The following GALNT11 variants were observed in gnomAD, a reference collection of about 807,000 sequenced individuals.
GALNT11 encodes the protein UDP-GalNAc:polypeptide N-acetylgalactosaminyltransferase 11.
GALNT11 carries 47 observed loss-of-function variants against 72.7 expected under a neutral mutation model. The observed-to-expected ratio is 0.65, with a 90% CI of 0.51 to 0.82. GALNT11 has a LOEUF of 0.82. Ranked by LOEUF, GALNT11 falls within the 40% of genes least tolerant of loss-of-function variation. The pLI is 0.00. For missense variants in GALNT11, 677 were observed against 778.4 expected (o/e 0.87, Z 1.55); for synonymous variants, 270 against 286.6 (o/e 0.94, Z 0.58).
At chr7:152,099,359 T>C (rs1186280731) in intron 2 of GALNT11, among the ~76,000 whole-genome samples, 1 of 149,528 alleles carries the variant, frequency 6.7e-6, no homozygotes, top group Non-Finnish European at 1.5e-5. Flanking sequence ...TATTTATTTA[T>C]TTATTTATTT....
chr7:152,119,353 C>G (rs1276050701), intron 10 of GALNT11: 1 of 151,960 alleles, frequency 6.6e-6, no homozygotes, highest in Non-Finnish European at 1.5e-5. Context: ...TCGTTTATGT[C>G]TGATAAAATA....
chr7:152,028,771 G>T (rs1389104060), intron 1 of GALNT11, among the ~76,000 whole-genome samples: 1 of 151,792 alleles, frequency 6.6e-6, no homozygotes, highest in Non-Finnish European at 1.5e-5. Context: ...TGAAGAAGGG[G>T]CCCTGCAATT....
At chr7:152,044,119 T>C (rs540235224) in intron 1 of GALNT11, among the ~76,000 whole-genome samples, 8 of 152,106 alleles carry the variant, frequency 5.3e-5, no homozygotes, top group African/African-American at 1.9e-4. Flanking sequence ...CACAGAAATA[T>C]AGAGTGTGGA....
In GALNT11 at chr7:152,047,509, A is replaced by T. The variant is rs537038515; in HGVS notation, c.-39+21625A>T. 2.3e-3 allele frequency among the ~76,000 whole-genome samples: 352 copies of T among 152,182 alleles called. 1 individual carries two copies. The highest frequency in any genetic ancestry group is 8.2e-3 in the African/African-American group (339 of 41,526). ...ACAAAACAAACAAAACAGCTTGGGC[A>T]ACATGGTGAAACCCCATCTCTACAA... On this transcript the variant is annotated intron_variant, in intron 1 of 11. Transcript: ENST00000430044.
intron 1 of GALNT11, among the ~76,000 whole-genome samples, chr7:152,045,376 A>C (rs916865431): frequency 6.6e-6 from 1 of 152,094 alleles, no homozygotes; most frequent in Admixed American, 6.6e-5. Flanking sequence ...TAGTTCTTTA[A>C]AAGTTTGATA....
chr7:152,083,235 A>G (rs1173499979), intron 1 of GALNT11, among the ~76,000 whole-genome samples: 2 of 152,002 alleles, frequency 1.3e-5, no homozygotes, highest in African/African-American at 4.8e-5. Flanking sequence ...TAGCTAGAAA[A>G]ATTTTGCCCA....
chr7:152,103,002 G>C lies in GALNT11; in HGVS notation c.420-110G>C, dbSNP rs572622032. On this transcript the variant is annotated intron_variant, in intron 3 of 11. Transcript: ENST00000430044. ...GTCTCAAAAAAAAAAAAAAAGGCAGGGGGTGGGGGAAGAGGGTGAACAAGG... is the reference window on the plus strand; with the variant it reads ...GTCTCAAAAAAAAAAAAAAAGGCAGCGGGTGGGGGAAGAGGGTGAACAAGG... 2.9e-5 allele frequency: 30 copies of C among 1,024,380 alleles called. No homozygotes were observed. The South Asian group carries it at 4.9e-4, about 17-fold the overall frequency. 63.5% of individuals were successfully genotyped at this position (1,024,380 alleles called of 1,614,324 possible).
intron 1 of GALNT11, among the ~76,000 whole-genome samples, chr7:152,043,299 G>A (rs1183683807): frequency 1.3e-5 from 2 of 152,160 alleles, no homozygotes; most frequent in Non-Finnish European, 2.9e-5. Flanking sequence ...AGGGTCCACC[G>A]GCTCCTGTTG....
In GALNT11 at chr7:152,037,967, T is replaced by A. The variant is rs2079844; in HGVS notation, c.-39+12083T>A. ...TAATTTTAGTAGAGATGGGGGTCTC[T>A]CCATGTTGGTCAGGCTGGTCTCGAA... On this transcript the variant is annotated intron_variant, in intron 1 of 11. Transcript: ENST00000430044. Among the ~76,000 whole-genome samples, 1,123 of 151,996 alleles carry A rather than the reference T, an allele frequency of 7.4e-3. 14 individuals are homozygous for A. The highest frequency in any genetic ancestry group is 0.026 in the African/African-American group (1,083 of 41,384).
chr7:152,026,934 G>C (rs765336560), intron 1 of GALNT11, among the ~76,000 whole-genome samples: 4 of 152,168 alleles, frequency 2.6e-5, no homozygotes, highest in African/African-American at 7.2e-5. Context: ...CACTCATTTC[G>C]CTCAGAATAA....
At chr7:152,082,399 A>T (rs991081286) in intron 1 of GALNT11, among the ~76,000 whole-genome samples, 1 of 152,200 alleles carries the variant, frequency 6.6e-6, no homozygotes, top group Non-Finnish European at 1.5e-5. Flanking sequence ...GGGACCTCAC[A>T]TTCTGTATTT....
rs1184132027 is a variant in GALNT11, at chr7:152,121,560, A to G, written c.1710A>G (p.Leu570=). The change falls in exon 12 of 12, where the codon CTA becomes CTG. Residue 570 remains leucine, a synonymous_variant. Coordinates refer to ENST00000430044, the MANE Select transcript of GALNT11 (RefSeq NM_022087.4). ...CTTTTTTTCAGAAAAACAATCGGCT[A>G]TACCAGGTGTCGGTTGGACAGTGCC... ...QQWTFGKNNR[L]YQVSVGQCLR... The G allele has an allele frequency of 2.5e-6, 4 of 1,610,826 alleles. No homozygotes were observed. Among genetic ancestry groups the G allele is most frequent in the Middle Eastern group, 1.6e-4 (1 of 6,062 alleles).
chr7:152,113,710 TTC>T (rs2088504697), intron 8 of GALNT11, among the ~76,000 whole-genome samples: 1 of 116,254 alleles, frequency 8.6e-6, no homozygotes, highest in African/African-American at 3.1e-5. Context: ...AAAGTTGGCT[TTC>T]TTTTTTTTTT....
At chr7:152,026,913 T>C (rs1445630657) in intron 1 of GALNT11, among the ~76,000 whole-genome samples, 1 of 152,234 alleles carries the variant, frequency 6.6e-6, no homozygotes, top group Admixed American at 6.5e-5. Context: ...GGCAGTGTCA[T>C]GGGCCATAGA....
intron 1 of GALNT11, among the ~76,000 whole-genome samples, chr7:152,047,710 G>GCA (rs1491469253): frequency 6.7e-6 from 1 of 149,060 alleles, no homozygotes; most frequent in Non-Finnish European, 1.5e-5. Flanking sequence ...GTGTGTGTGT[G>GCA]CGCACACACA....
chr7:152,111,645 T>TA (rs200988785), intron 7 of GALNT11, among the ~76,000 whole-genome samples: 51 of 129,416 alleles, frequency 3.9e-4, no homozygotes, highest in African/African-American at 1.6e-3. Flanking sequence ...TATATATATA[T>TA]TTTTTTAAAT....
intron 1 of GALNT11, among the ~76,000 whole-genome samples, chr7:152,045,348 T>C (rs2083068937): frequency 6.6e-6 from 1 of 152,154 alleles, no homozygotes; most frequent in Non-Finnish European, 1.5e-5. Context: ...TCTGGAATAG[T>C]TTCGGTAGGA....
At chr7:152,050,235 C>T (rs918075380) in intron 1 of GALNT11, among the ~76,000 whole-genome samples, 8 of 152,232 alleles carry the variant, frequency 5.3e-5, no homozygotes, top group African/African-American at 1.4e-4. Context: ...GAAGCCAGCA[C>T]GTCTCTGAGT....
chr7:152,034,284 A>T (rs1379222364), intron 1 of GALNT11, among the ~76,000 whole-genome samples: 1 of 152,084 alleles, frequency 6.6e-6, no homozygotes, highest in Non-Finnish European at 1.5e-5. Flanking sequence ...TAAATTGCAA[A>T]CTTTGCATAG....
Sources: gnomAD v4.1 joint callset for allele counts (sites outside exome capture counted in the v4.1 genomes callset) on GRCh38, gnomAD v4.1.1 for gene constraint, MANE v1.5 for transcripts, NCBI Gene and HGNC (gene_info 2026-07-23, HGNC 2026-07-21) for gene names.